COPB2: variants seen among roughly 807,000 people sequenced by gnomAD.
The protein encoded by COPB2 is coatomer subunit beta'.
In COPB2, 16 loss-of-function variants were observed where a neutral mutation model predicts 120.8. That is an observed-to-expected ratio of 0.13 (90% confidence interval 0.09 to 0.20). The LOEUF (loss-of-function observed/expected upper bound fraction) is 0.20. COPB2 is among the 10% of genes least tolerant of loss of function. The pLI is 1.00. For synonymous variants in COPB2, 332 were observed against 366.3 expected (o/e 0.91, Z 1.07); for missense variants, 794 against 1,076.5 (o/e 0.74, Z 3.67).
chr3:139,368,250 A>G lies in COPB2; in HGVS notation c.1440T>C (p.Ala480=), dbSNP rs1941556734. ...TAAGGATAAAAAATGATTCCTCAGT[A>G]GCAATACAGACTAGCTCTCCAGAGT... ...WSDSGELVCI[A]TEESFFILKY... is the part of the protein sequence containing the mutation. Residue 480 remains alanine (A), a synonymous_variant, in exon 13 of 22, where the codon GCT becomes GCC. Coordinates refer to ENST00000333188, the MANE Select transcript of COPB2 (RefSeq NM_004766.3). 6.2e-7 allele frequency: 1 copy of G among 1,613,628 alleles called. No homozygotes were observed.
chr3:139,372,488 C>T (rs1005750667), intron 9 of COPB2, among the ~76,000 whole-genome samples: 1 of 152,106 alleles, frequency 6.6e-6, no homozygotes, highest in African/African-American at 2.4e-5. Flanking sequence ...GAATGTTTTA[C>T]GATATTAAGG....
intron 2 of COPB2, 81 bp downstream of exon 2, chr3:139,383,217 G>T: frequency 6.7e-7 from 1 of 1,500,252 alleles, no homozygotes; most frequent in Non-Finnish European, 9.2e-7. Context: ...TCTGGATTCT[G>T]TTATAATATT....
chr3:139,377,508 G>A (rs772892784), intron 5 of COPB2, among the ~76,000 whole-genome samples: 2 of 152,246 alleles, frequency 1.3e-5, no homozygotes, highest in Non-Finnish European at 2.9e-5. Context: ...GAGTAGACCA[G>A]GGTTTTAGGA....
chr3:139,368,910 C>T (rs989959699), intron 12 of COPB2, among the ~76,000 whole-genome samples: 1 of 152,134 alleles, frequency 6.6e-6, no homozygotes, highest in Admixed American at 6.5e-5. Context: ...AAGCAGCTAT[C>T]ATCAAAATGT....
At chr3:139,388,878 T>C (rs1041535592) in intron 1 of COPB2, among the ~76,000 whole-genome samples, 1 of 151,982 alleles carries the variant, frequency 6.6e-6, no homozygotes, top group Non-Finnish European at 1.5e-5. Context: ...ATAACACTCT[T>C]GTGCAAACTA....
At chr3:139,388,451 T>G (rs1314908155) in intron 1 of COPB2, 2 of 150,678 alleles carry the variant, frequency 1.3e-5, no homozygotes, top group African/African-American at 4.9e-5. Context: ...TATGCAAAAA[T>G]GTTTGTTTCT....
At chr3:139,359,478 A>G (rs1274085620) in intron 17 of COPB2, 116 bp from the exon 18 acceptor site, 4 of 837,050 alleles carry the variant, frequency 4.8e-6, no homozygotes, top group Non-Finnish European at 7.6e-6. Flanking sequence ...CTTCACACAT[A>G]TATCTCATTT....
At chr3:139,387,291 A>AGAAC (rs1199603350) in intron 1 of COPB2, among the ~76,000 whole-genome samples, 1 of 152,158 alleles carries the variant, frequency 6.6e-6, no homozygotes, top group Non-Finnish European at 1.5e-5. Flanking sequence ...AAAGAAAGAA[A>AGAAC]GAACGAACAG....
intron 6 of COPB2, among the ~76,000 whole-genome samples, chr3:139,374,880 T>C (rs567163940): frequency 2.0e-5 from 3 of 152,244 alleles, no homozygotes; most frequent in South Asian, 2.1e-4. Flanking sequence ...ATAATAGATT[T>C]CCCCCTTAAA....
chr3:139,368,962 A>T (rs915355006), intron 12 of COPB2, among the ~76,000 whole-genome samples: 1 of 152,226 alleles, frequency 6.6e-6, no homozygotes, highest in African/African-American at 2.4e-5. Flanking sequence ...GGCATTTCCA[A>T]GTCAAGAATT....
intron 15 of COPB2, among the ~76,000 whole-genome samples, chr3:139,366,132 G>A (rs1461010409): frequency 6.6e-6 from 1 of 152,142 alleles, no homozygotes; most frequent in Non-Finnish European, 1.5e-5. Context: ...AAGGAGGGCT[G>A]ATTTTTTTCT....
At chr3:139,367,913 A>G (rs1012174478) in intron 13 of COPB2, among the ~76,000 whole-genome samples, 3 of 152,240 alleles carry the variant, frequency 2.0e-5, no homozygotes, top group African/African-American at 7.2e-5. Flanking sequence ...AAGATATCAA[A>G]GTAAGTCTAA....
intron 15 of COPB2, among the ~76,000 whole-genome samples, chr3:139,363,442 A>G (rs1010240653): frequency 3.9e-4 from 59 of 152,292 alleles, no homozygotes; most frequent in African/African-American, 1.3e-3. Flanking sequence ...TCTGAGGTGG[A>G]ACAGTTTCAT....
At chr3:139,364,893 A>G (rs557332123) in intron 15 of COPB2, among the ~76,000 whole-genome samples, 39 of 152,350 alleles carry the variant, frequency 2.6e-4, no homozygotes, top group African/African-American at 8.9e-4. Flanking sequence ...GCAGATCAAA[A>G]TGAAGCAATA....
chr3:139,378,613 T>C (rs1453422706), intron 4 of COPB2, among the ~76,000 whole-genome samples: 1 of 152,244 alleles, frequency 6.6e-6, no homozygotes, highest in African/African-American at 2.4e-5. Flanking sequence ...TAAAAACATT[T>C]CAAAGAGCTA....
intron 7 of COPB2, 33 bp downstream of exon 7, chr3:139,374,456 T>C (rs2107804897): frequency 1.3e-6 from 2 of 1,554,390 alleles, no homozygotes; most frequent in South Asian, 1.1e-5. Flanking sequence ...GAGTAGTTAC[T>C]AGCACAGGAA....
chr3:139,378,937 G>A (rs1057408913), intron 4 of COPB2, 110 bp downstream of exon 4: 13 of 1,192,796 alleles, frequency 1.1e-5, no homozygotes, highest in East Asian at 5.1e-5. Flanking sequence ...TTTAAAGGCC[G>A]CTTGGAATTA....
At chr3:139,358,154 G>C (rs757100740) in intron 21 of COPB2, 46 bp downstream of exon 21, 8 of 1,527,736 alleles carry the variant, frequency 5.2e-6, no homozygotes, top group Non-Finnish European at 7.3e-6. Flanking sequence ...TATTGATGGG[G>C]AGGAAGATGG....
rs1576379811 is a variant in COPB2 at position 139,383,563 on chromosome 3, G to C, written c.4-128C>G. 6.1e-6 allele frequency: 5 copies of C among 814,628 alleles called. No homozygotes were observed. In the East Asian group the frequency reaches 1.5e-4, roughly 24 times the overall value. The allele number at this position is 814,628 out of a possible 1,614,324, so 50.5% of individuals were successfully genotyped here. A position where few individuals can be genotyped will look rare whatever the true frequency, so the allele number is the denominator to read the frequency against. ...ACTACTTTGCTAAGCTTTTGAAACA[G>C]TTTCAAGTCTAAGCACTTATTTCTT... On this transcript the variant is annotated intron_variant, in intron 1 of 21. Coordinates refer to ENST00000333188, the MANE Select transcript of COPB2 (RefSeq NM_004766.3).
Sources: allele counts gnomAD v4.1 joint callset (sites outside exome capture counted in the v4.1 genomes callset), GRCh38; gene constraint gnomAD v4.1.1; transcripts MANE v1.5; gene names NCBI Gene and HGNC (gene_info 2026-07-23, HGNC 2026-07-21).